The following TMEM106B variants were observed in gnomAD, a reference collection of about 807,000 sequenced individuals.
TMEM106B encodes transmembrane protein 106B.
TMEM106B carries 15 observed loss-of-function variants against 31.1 expected under a neutral mutation model. The ratio of observed to expected loss-of-function variants is 0.48; its 90% CI spans 0.32 to 0.74. TMEM106B has a LOEUF of 0.74. Among genes scored for constraint, TMEM106B ranks in the 30% least tolerant of loss-of-function variants. The pLI is 0.03. For missense variants in TMEM106B, 283 were observed against 327.3 expected, an observed-to-expected ratio of 0.86 and a Z score of 1.04; for synonymous variants, 126 against 112.5, an observed-to-expected ratio of 1.12 and a Z score of -0.76.
Position 12,235,707 on chromosome 7 carries a change from C to T in TMEM106B, c.*3732C>T, listed in dbSNP as rs567176513. 2.4e-4 allele frequency: 36 copies of T among 151,758 alleles called. No homozygotes were observed. Among genetic ancestry groups the T allele is most frequent in the Admixed American group, 7.2e-4 (11 of 15,246 alleles). The allele number at this position is 151,758 out of a possible 1,614,324, so 9.4% of individuals were successfully genotyped here. On this transcript the variant is annotated 3_prime_UTR_variant, in exon 8 of 8. Coordinates refer to ENST00000396668, the MANE Select transcript of TMEM106B (RefSeq NM_001134232.2). ...TTTAAAGTTCTTAGAATAAACAGTTCTTTATATAATAATTATATTTTATTT... is the reference window on the plus strand; with the variant it reads ...TTTAAAGTTCTTAGAATAAACAGTTTTTTATATAATAATTATATTTTATTT...
Position 12,231,163 on chromosome 7 carries a change from G to A in TMEM106B, c.686+48G>A, listed in dbSNP as rs1782013709. 7 of 1,412,274 alleles carry A rather than the reference G, an allele frequency of 5.0e-6. No homozygotes were observed. In the South Asian group the frequency reaches 8.5e-5, roughly 17 times the overall value. The allele number at this position is 1,412,274 out of a possible 1,614,324, so 87.5% of individuals were successfully genotyped here. ...AGAGATTTTGCTTGTTAACATTTTGGATTTATAACATTGGCTTATAATATA... is the reference window on the plus strand; with the variant it reads ...AGAGATTTTGCTTGTTAACATTTTGAATTTATAACATTGGCTTATAATATA... On this transcript the variant is annotated intron_variant, in intron 7 of 7. Coordinates refer to ENST00000396668, the MANE Select transcript of TMEM106B (RefSeq NM_001134232.2).
In TMEM106B at chr7:12,233,607, G is replaced by T. The variant is rs1583222946; in HGVS notation, c.*1632G>T. 2 of 147,618 alleles carry T rather than the reference G, an allele frequency of 1.4e-5. No homozygotes were observed. The highest frequency in any genetic ancestry group is 2.5e-5 in the African/African-American group (1 of 40,292). 9.1% of individuals were successfully genotyped at this position (147,618 alleles called of 1,614,324 possible). On this transcript the variant is annotated 3_prime_UTR_variant, in exon 8 of 8. Transcript: ENST00000396668. ...AACACTAGTCTTCCCTTAATTCATT[G>T]CTAACTCAAGCCATCCTTACTATTA...
rs1443694630 is a variant in TMEM106B, at chr7:12,239,401, ATCAT to A, written c.*7431_*7434del. The A allele has an allele frequency of 1.3e-5, 2 of 152,096 alleles. No individual in the cohort carries two copies. The highest frequency in any genetic ancestry group is 4.8e-5 in the African/African-American group (2 of 41,426). The allele number at this position is 152,096 out of a possible 1,614,324, so 9.4% of individuals were successfully genotyped here. A position where few individuals can be genotyped will look rare whatever the true frequency, so the allele number is the denominator to read the frequency against. On this transcript the variant is annotated 3_prime_UTR_variant, in exon 8 of 8. Coordinates refer to ENST00000396668, the MANE Select transcript of TMEM106B (RefSeq NM_001134232.2). ...GGCAATAAGGCTGTTTGATTTTCTT[ATCAT>A]TCATGTTTTCTGGAACACTTTTCAA...
At chr7:12,229,849 G>C in intron 5 of TMEM106B, 30 bp downstream of exon 5, 1 of 1,574,020 alleles carries the variant, frequency 6.4e-7, no homozygotes, top group Non-Finnish European at 8.6e-7. Context: ...TACTTTGTAA[G>C]AGTTAAATGA....
In TMEM106B at chr7:12,236,662, C is replaced by T. The variant is rs923097937; in HGVS notation, c.*4687C>T. The T allele has an allele frequency of 6.6e-6, 1 of 151,968 alleles. No homozygotes were observed. The highest frequency in any genetic ancestry group is 1.5e-5 in the Non-Finnish European group (1 of 67,896). 9.4% of individuals were successfully genotyped at this position (151,968 alleles called of 1,614,324 possible). A position where few individuals can be genotyped will look rare whatever the true frequency, so the allele number is the denominator to read the frequency against. ...CCCACTTCACCCAGAATTTTAGAAA[C>T]TAGAAGTCTGGGAGGTACTATATCA... On this transcript the variant is annotated 3_prime_UTR_variant, in exon 8 of 8. Transcript: ENST00000396668.
Position 12,235,666 on chromosome 7 carries a change from C to A in TMEM106B, c.*3691C>A, listed in dbSNP as rs774972445. On this transcript the variant is annotated 3_prime_UTR_variant, in exon 8 of 8. Transcript: ENST00000396668. ...GGGCATGTGCCCAACTCTCCCGCAC[C>A]CCATTTTGTTTGTCTTTTAAAGTTC... 9 of 151,656 alleles carry A rather than the reference C, an allele frequency of 5.9e-5. No individual in the cohort carries two copies. The highest frequency in any genetic ancestry group is 1.3e-4 in the Non-Finnish European group (9 of 67,760). The allele number at this position is 151,656 out of a possible 1,614,324, so 9.4% of individuals were successfully genotyped here. A position where few individuals can be genotyped will look rare whatever the true frequency, so the allele number is the denominator to read the frequency against.
rs566070835 is a variant in TMEM106B at position 12,231,628 on chromosome 7, T to A, written c.687-209T>A. ...GTTTTAAAATATTACACTTATTATG[T>A]GTAATTATGTCTACAGGGCTCACTC... On this transcript the variant is annotated intron_variant, in intron 7 of 7. Coordinates refer to ENST00000396668, the MANE Select transcript of TMEM106B (RefSeq NM_001134232.2). 41 of 415,770 alleles carry A rather than the reference T, an allele frequency of 9.9e-5. No individual in the cohort carries two copies. In the South Asian group the frequency reaches 1.3e-3, roughly 14 times the overall value. The allele number at this position is 415,770 out of a possible 1,614,324, so 25.8% of individuals were successfully genotyped here.
chr7:12,227,966 C>T (rs1216535483), intron 4 of TMEM106B, among the ~76,000 whole-genome samples: 1 of 151,852 alleles, frequency 6.6e-6, no homozygotes, highest in Non-Finnish European at 1.5e-5. Flanking sequence ...CATAATTTTG[C>T]ATATACAAAG....
chr7:12,234,329 TATATC>T lies in TMEM106B; in HGVS notation c.*2355_*2359del, dbSNP rs921103164. Reference sequence around the variant, plus strand: ...CATCTTTTGAATTAATTTTTTTTATTATATCTACTTTTAGTGGAGTTTGAGTCAGA... The same window carrying T: ...CATCTTTTGAATTAATTTTTTTTATTTACTTTTAGTGGAGTTTGAGTCAGA... On this transcript the variant is annotated 3_prime_UTR_variant, in exon 8 of 8. Coordinates refer to ENST00000396668, the MANE Select transcript of TMEM106B (RefSeq NM_001134232.2). 5.3e-5 allele frequency: 8 copies of T among 151,846 alleles called. No individual in the cohort carries two copies. The highest frequency in any genetic ancestry group is 1.7e-4 in the African/African-American group (7 of 41,424). The allele number at this position is 151,846 out of a possible 1,614,324, so 9.4% of individuals were successfully genotyped here. A position where few individuals can be genotyped will look rare whatever the true frequency, so the allele number is the denominator to read the frequency against.
intron 4 of TMEM106B, among the ~76,000 whole-genome samples, chr7:12,225,504 A>G (rs900615135): frequency 1.2e-4 from 19 of 152,120 alleles, no homozygotes; most frequent in Non-Finnish European, 2.1e-4. Context: ...AAGTGTTCCT[A>G]TTTCTCCACA....
At position 12,229,713 on chromosome 7, in the gene TMEM106B, C is replaced by G. The variant is rs375896018; in HGVS notation, c.476C>G (p.Ser159Cys). Reference sequence around the variant, plus strand: ...AATATAACAAACAATAACTATTACTCTGTCGAAGTTGAAAACATCACTGCC... The same window carrying G: ...AATATAACAAACAATAACTATTACTGTGTCGAAGTTGAAAACATCACTGCC... ...TLNITNNNYY[S>C]VEVENITAQV... The change falls in exon 5 of 8, where the codon TCT becomes TGT. Residue 159 changes from serine to cysteine, a missense_variant. Coordinates refer to ENST00000396668, the MANE Select transcript of TMEM106B (RefSeq NM_001134232.2). 36 of 1,611,764 alleles carry G rather than the reference C, an allele frequency of 2.2e-5. No individual in the cohort carries two copies. The South Asian group carries it at 3.3e-4, about 15-fold the overall frequency.
intron 6 of TMEM106B, 67 bp downstream of exon 6, chr7:12,230,505 G>A (rs1216536776): frequency 1.1e-5 from 12 of 1,093,280 alleles, no homozygotes; most frequent in Non-Finnish European, 1.6e-5. Flanking sequence ...AGTATAAAGA[G>A]TATACATATT....
rs546572479 is a variant in TMEM106B, at chr7:12,236,277, T to C, written c.*4302T>C. On this transcript the variant is annotated 3_prime_UTR_variant, in exon 8 of 8. Transcript: ENST00000396668. ...CCTTAAATTGGATAAAATCAAGTGA[T>C]TAAAGTTACTAAAGAGATAAAAATG... The C allele has an allele frequency of 3.3e-5, 5 of 152,050 alleles. No homozygotes were observed. Among genetic ancestry groups the C allele is most frequent in the African/African-American group, 1.2e-4 (5 of 41,556 alleles). The allele number at this position is 152,050 out of a possible 1,614,324, so 9.4% of individuals were successfully genotyped here.
At chr7:12,229,522 A>G (rs1353700574) in intron 4 of TMEM106B, among the ~76,000 whole-genome samples, 157 bp from the exon 5 acceptor site, 1 of 152,172 alleles carries the variant, frequency 6.6e-6, no homozygotes, top group African/African-American at 2.4e-5. Context: ...ACTCGTGCAT[A>G]AAACCAAATA....
chr7:12,239,727 A>G lies in TMEM106B; in HGVS notation c.*7752A>G, dbSNP rs1265480314. 3 of 152,158 alleles carry G rather than the reference A, an allele frequency of 2.0e-5. No individual in the cohort carries two copies. Among genetic ancestry groups the G allele is most frequent in the Non-Finnish European group, 2.9e-5 (2 of 68,012 alleles). 9.4% of individuals were successfully genotyped at this position (152,158 alleles called of 1,614,324 possible). On this transcript the variant is annotated 3_prime_UTR_variant, in exon 8 of 8. Coordinates refer to ENST00000396668, the MANE Select transcript of TMEM106B (RefSeq NM_001134232.2). ...TGTGGGAACAGCTGGTTAGGAGAGCAGTCCGAACACACACTTTTTTTTATT... is the reference window on the plus strand; with the variant it reads ...TGTGGGAACAGCTGGTTAGGAGAGCGGTCCGAACACACACTTTTTTTTATT...
At chr7:12,230,045 C>G (rs1781987268) in intron 5 of TMEM106B, among the ~76,000 whole-genome samples, 1 of 120,262 alleles carries the variant, frequency 8.3e-6, no homozygotes, top group African/African-American at 3.7e-5. Context: ...GGTGAAACCT[C>G]ATCTCTACAA....
chr7:12,234,383 T>G lies in TMEM106B; in HGVS notation c.*2408T>G, dbSNP rs945299755. 1 of 151,754 alleles carries G rather than the reference T, an allele frequency of 6.6e-6. No individual in the cohort carries two copies. Among genetic ancestry groups the G allele is most frequent in the Non-Finnish European group, 1.5e-5 (1 of 67,748 alleles). 9.4% of individuals were successfully genotyped at this position (151,754 alleles called of 1,614,324 possible). On this transcript the variant is annotated 3_prime_UTR_variant, in exon 8 of 8. Coordinates refer to ENST00000396668, the MANE Select transcript of TMEM106B (RefSeq NM_001134232.2). ...GAAAAAAACAAGAATTTGAAACAAG[T>G]AAAAAGATAGAAGAGAAATAAAGAT...
At chr7:12,221,436 A>G (rs563883350) in intron 3 of TMEM106B, among the ~76,000 whole-genome samples, 9 of 152,328 alleles carry the variant, frequency 5.9e-5, no homozygotes, top group Admixed American at 5.2e-4. Context: ...GAGTTTTAGC[A>G]ATAAGACCAA....
Position 12,234,193 on chromosome 7 carries a change from C to G in TMEM106B, c.*2218C>G, listed in dbSNP as rs1454903678. On this transcript the variant is annotated 3_prime_UTR_variant, in exon 8 of 8. Transcript: ENST00000396668. ...CATCGTGTAAATTAAACAGATTTTT[C>G]TGATGATCTGTGCTTCTTATATACT... 6.6e-6 allele frequency: 1 copy of G among 151,742 alleles called. No homozygotes were observed. Among genetic ancestry groups the G allele is most frequent in the African/African-American group, 2.4e-5 (1 of 41,386 alleles). 9.4% of individuals were successfully genotyped at this position (151,742 alleles called of 1,614,324 possible). A position where few individuals can be genotyped will look rare whatever the true frequency, so the allele number is the denominator to read the frequency against.
Sources: allele counts gnomAD v4.1 joint callset (sites outside exome capture counted in the v4.1 genomes callset), GRCh38; gene constraint gnomAD v4.1.1; transcripts MANE v1.5; gene names NCBI Gene and HGNC (gene_info 2026-07-23, HGNC 2026-07-21).